The following SLC16A5 variants were observed in gnomAD, a reference collection of about 807,000 sequenced individuals.
SLC16A5 encodes solute carrier family 16 member 5, also known as monocarboxylate transporter 6.
SLC16A5 carries 29 observed loss-of-function variants against 33.2 expected under a neutral mutation model. The observed-to-expected ratio is 0.87, with a 90% confidence interval of 0.65 to 1.19. The LOEUF is 1.19. Among genes scored for constraint, SLC16A5 ranks in the 50% most tolerant of loss-of-function variants. SLC16A5 has a pLI of 0.00. For synonymous variants in SLC16A5, 248 were observed against 284.1 expected (o/e 0.87, Z 1.28); for missense variants, 606 against 678.2 (o/e 0.89, Z 1.18).
chr17:75,090,649 C>T (rs891490950), intron 2 of SLC16A5, among the ~76,000 whole-genome samples: 4 of 151,762 alleles, frequency 2.6e-5, no homozygotes, highest in Non-Finnish European at 4.4e-5. Flanking sequence ...TTAGTAGAGA[C>T]GGGGTTTCAC....
chr17:75,104,759 C>G (rs970455642), intron 6 of SLC16A5: 1 of 985,220 alleles, frequency 1.0e-6, no homozygotes, highest in Non-Finnish European at 1.2e-6. Flanking sequence ...CAGAGGAACC[C>G]TTTTCTAACA....
At chr17:75,090,821 G>A (rs944334291) in intron 2 of SLC16A5, among the ~76,000 whole-genome samples, 3 of 152,278 alleles carry the variant, frequency 2.0e-5, no homozygotes, top group East Asian at 3.9e-4. Flanking sequence ...TTGGCCTGGG[G>A]CCTGGAGAGA....
rs749498419 is a variant in SLC16A5, at chr17:75,100,038, C to T, written c.375C>T (p.Ser125=). Residue 125 remains serine, a synonymous_variant, in exon 5 of 7, where the codon AGC becomes AGT. Transcript: ENST00000329783. ...GLGMCFSFQS[S]ITVLGFYFVR... is the part of the protein sequence containing the mutation. ...GCATGTGCTTCAGCTTCCAGTCAAG[C>T]ATCACGGTGCTGGGCTTCTACTTTG... The T allele has an allele frequency of 2.5e-6, 4 of 1,612,514 alleles. No individual in the cohort carries two copies. In the South Asian group the frequency reaches 4.4e-5, roughly 18 times the overall value.
Position 75,100,356 on chromosome 17 carries a change from C to T in SLC16A5, c.693C>T (p.Ile231=), listed in dbSNP as rs2073777084. 1 of 1,614,138 alleles carries T rather than the reference C, an allele frequency of 6.2e-7. No homozygotes were observed. Among genetic ancestry groups the T allele is most frequent in the East Asian group, 2.2e-5 (1 of 44,878 alleles). Residue 231 remains isoleucine (I), a synonymous_variant, in exon 5 of 7, where the codon ATC becomes ATT. Coordinates refer to ENST00000329783, the MANE Select transcript of SLC16A5 (RefSeq NM_004695.4). ...RTIQRHLAFD[I]LRHNTGYCVY... Reference sequence around the variant, plus strand: ...TCCAGCGCCACCTGGCCTTCGACATCCTGCGGCACAACACAGGCTACTGCG... The same window carrying T: ...TCCAGCGCCACCTGGCCTTCGACATTCTGCGGCACAACACAGGCTACTGCG...
At position 75,104,108 on chromosome 17, in the gene SLC16A5, C is replaced by T. The variant is rs771848400; in HGVS notation, c.1292C>T (p.Ala431Val). The part of the protein sequence containing the change: ...KKEQGKQAVA[A>V]DALERDLFLE... ...GAGCAAGGCAAGCAGGCTGTCGCGGCGGATGCCCTGGAGCGGGATCTTTTC... is the reference window on the plus strand; with the variant it reads ...GAGCAAGGCAAGCAGGCTGTCGCGGTGGATGCCCTGGAGCGGGATCTTTTC... The change falls in exon 6 of 7, where the codon GCG (alanine) becomes GTG (valine). Residue 431 changes from alanine to valine, a missense_variant. Transcript: ENST00000329783. 3.7e-6 allele frequency: 6 copies of T among 1,614,238 alleles called. No homozygotes were observed. The highest frequency in any genetic ancestry group is 2.2e-5 in the East Asian group (1 of 44,882).
chr17:75,103,926 G>GA, intron 5 of SLC16A5, 44 bp from the exon 6 acceptor site: 1 of 1,568,058 alleles, frequency 6.4e-7, no homozygotes, highest in Non-Finnish European at 8.8e-7. Context: ...CTGAGTTGGG[G>GA]GGAGGCCTGG....
chr17:75,093,330 CGTCCT>C (rs1431198278), intron 2 of SLC16A5: 24 of 1,374,600 alleles, frequency 1.7e-5, no homozygotes, highest in East Asian at 2.5e-5. Context: ...TGCCCTGCCC[CGTCCT>C]GTCCCTCCTA....
At chr17:75,109,339 G>C (rs753712338), downstream of SLC16A5, among the ~76,000 whole-genome samples, 2 of 152,190 alleles carry the variant, frequency 1.3e-5, no homozygotes, top group Non-Finnish European at 2.9e-5. This position sits in a 1 kb window ranked among gnomAD's most constrained non-coding sequence, Gnocchi z 5.0. Flanking sequence ...CTCGGGGCTG[G>C]GATGGAGGGC....
rs56024912 is a variant in SLC16A5 at position 75,100,908 on chromosome 17, G to T, written c.1153+92G>T. Reference sequence around the variant, plus strand: ...GCCCAGTCCAGCATCTCCAGAGGTTGTGCTACAGCTGGTTTCCAACCTGGC... The same window carrying T: ...GCCCAGTCCAGCATCTCCAGAGGTTTTGCTACAGCTGGTTTCCAACCTGGC... On this transcript the variant is annotated intron_variant, in intron 5 of 6. Coordinates refer to ENST00000329783, the MANE Select transcript of SLC16A5 (RefSeq NM_004695.4). The T allele has an allele frequency of 1.6e-3, 1,970 of 1,269,866 alleles. 23 individuals carry two copies. In the African/African-American group the frequency reaches 0.025, roughly 16 times the overall value. 78.7% of individuals were successfully genotyped at this position (1,269,866 alleles called of 1,614,324 possible).
At chr17:75,099,151 A>C (rs747966497) in intron 4 of SLC16A5, among the ~76,000 whole-genome samples, 2 of 152,158 alleles carry the variant, frequency 1.3e-5, no homozygotes, top group Non-Finnish European at 2.9e-5. Context: ...AGGAGAGTGG[A>C]AAGTCTGGAG....
intron 6 of SLC16A5, chr17:75,105,336 G>A: frequency 1.0e-6 from 1 of 985,446 alleles, no homozygotes; most frequent in East Asian, 1.1e-4. Flanking sequence ...GGGGAAGCCA[G>A]ACATTTGACT....
intron 5 of SLC16A5, 146 bp from the exon 6 acceptor site, chr17:75,103,824 T>C (rs1178802240): frequency 1.5e-6 from 1 of 688,880 alleles, no homozygotes; most frequent in African/African-American, 1.8e-5. Flanking sequence ...CTTTCATTCT[T>C]CAAGTATCTG....
At chr17:75,099,238 G>T (rs907899089) in intron 4 of SLC16A5, among the ~76,000 whole-genome samples, 6 of 152,180 alleles carry the variant, frequency 3.9e-5, no homozygotes, top group Admixed American at 2.0e-4. Flanking sequence ...GGCAGAGAAA[G>T]AAGTTCCTGT....
At chr17:75,107,362 C>T (rs1321409862), downstream of SLC16A5, among the ~76,000 whole-genome samples, 1 of 152,180 alleles carries the variant, frequency 6.6e-6, no homozygotes, top group Non-Finnish European at 1.5e-5. Flanking sequence ...TCACCTGCTC[C>T]TAGGCAAGAA....
chr17:75,098,234 G>A, intron 4 of SLC16A5, 53 bp downstream of exon 4: 2 of 1,606,188 alleles, frequency 1.2e-6, no homozygotes, highest in South Asian at 2.2e-5. Flanking sequence ...AAAGTGCCAG[G>A]CACAAGTGGA....
At chr17:75,103,333 CTTT>C (rs1194395211) in intron 5 of SLC16A5, among the ~76,000 whole-genome samples, 6 of 128,594 alleles carry the variant, frequency 4.7e-5, no homozygotes, top group African/African-American at 8.6e-5. Flanking sequence ...CAAGGGAATT[CTTT>C]TTTTTTTTTT....
In SLC16A5 at chr17:75,104,828, G is replaced by A. The variant is rs547266768; in HGVS notation, c.1364+648G>A. On this transcript the variant is annotated intron_variant, in intron 6 of 6. Transcript: ENST00000329783. ...TTTTTCCTTGGGTACCAGGGTACTC[G>A]GGGCCCAGGAACCTGGGTCTGAGCC... 9.1e-6 allele frequency: 9 copies of A among 985,364 alleles called. No individual in the cohort carries two copies. In the South Asian group the frequency reaches 1.9e-4, roughly 21 times the overall value. 61.0% of individuals were successfully genotyped at this position (985,364 alleles called of 1,614,324 possible).
rs748973892 is a variant in SLC16A5, at chr17:75,100,217, G to T, written c.554G>T (p.Cys185Phe). ...GGGATCTTTCTCCACTGCTGCATCT[G>T]CGGGGCCATCATAAGGCCTGTGGCC... ...FGGIFLHCCI[C>F]GAIIRPVATS... is the part of the protein sequence containing the mutation. The change falls in exon 5 of 7, where the codon TGC becomes TTC. Residue 185 changes from cysteine to phenylalanine, a missense_variant. By Grantham distance (205) the Cys-to-Phe change is radical. Transcript: ENST00000329783. 5.0e-6 allele frequency: 8 copies of T among 1,614,208 alleles called. No individual in the cohort carries two copies. The highest frequency in any genetic ancestry group is 4.4e-5 in the South Asian group (4 of 91,088).
chr17:75,108,719 C>T (rs989879187), downstream of SLC16A5, among the ~76,000 whole-genome samples: 1 of 152,144 alleles, frequency 6.6e-6, no homozygotes, highest in African/African-American at 2.4e-5. Flanking sequence ...AATAGGATTA[C>T]ATAATTGTTT....
Sources: gnomAD v4.1 joint callset for allele counts (sites outside exome capture counted in the v4.1 genomes callset) on GRCh38, gnomAD v4.1.1 for gene constraint, Gnocchi (gnomAD v3.1) non-coding constraint, MANE v1.5 for transcripts, NCBI Gene and HGNC (gene_info 2026-07-23, HGNC 2026-07-21) for gene names.